ENOX2: variants seen among roughly 807,000 people sequenced by gnomAD.
The protein encoded by ENOX2 is ecto-NOX disulfide-thiol exchanger 2, also known as APK1 antigen.
Under a neutral mutation model 45.0 loss-of-function variants are expected in ENOX2, and 36 were observed. The observed-to-expected ratio is 0.80, with a 90% CI of 0.61 to 1.06. The LOEUF (loss-of-function observed/expected upper bound fraction) is 1.06. Ranked by LOEUF, ENOX2 falls within the 50% of genes least tolerant of loss-of-function variation. The pLI, the probability that ENOX2 is intolerant of heterozygous loss-of-function variation, is 0.00. For synonymous variants in ENOX2, 174 were observed against 152.3 expected, an observed-to-expected ratio of 1.14 and a Z score of -1.05; for missense variants, 423 against 462.5, an observed-to-expected ratio of 0.91 and a Z score of 0.78.
chrX:130,633,144 G>A (rs1481223701), intron 12 of ENOX2, among the ~76,000 whole-genome samples: 1 of 111,876 alleles, frequency 8.9e-6, no homozygotes, highest in Non-Finnish European at 1.9e-5. Context: ...GATTTAAAGA[G>A]CTTAGTTCTT....
chrX:130,662,527 A>C (rs1221059442), intron 9 of ENOX2, among the ~76,000 whole-genome samples: 1 of 111,925 alleles, frequency 8.9e-6, no homozygotes, highest in East Asian at 2.8e-4. Flanking sequence ...GTCAAAAATA[A>C]GGCAGCCTAG....
intron 2 of ENOX2, among the ~76,000 whole-genome samples, chrX:130,812,952 G>A (rs2077416807): frequency 8.9e-6 from 1 of 111,923 alleles, no homozygotes; most frequent in Admixed American, 9.4e-5. Context: ...TCCCTAATCT[G>A]AAATTCTGAA....
intron 9 of ENOX2, among the ~76,000 whole-genome samples, chrX:130,659,389 C>G (rs1485356630): frequency 8.1e-5 from 9 of 111,646 alleles, no homozygotes; most frequent in African/African-American, 2.9e-4. Context: ...AACATAGACT[C>G]TCCCATGTGC....
intron 9 of ENOX2, among the ~76,000 whole-genome samples, chrX:130,663,233 G>A (rs1311044555): frequency 8.9e-6 from 1 of 112,246 alleles, no homozygotes; most frequent in African/African-American, 3.2e-5. Context: ...CACATAGTTT[G>A]CAAAAGTGTT....
rs183971104 is a variant in ENOX2, at chrX:130,649,684, T to C, written c.1129+6897A>G. Among the ~76,000 whole-genome samples the C allele has an allele frequency of 3.6e-5, 4 of 112,196 alleles. No individual in the cohort carries two copies. In the East Asian group the frequency reaches 1.1e-3, roughly 31 times the overall value. On this transcript the variant is annotated intron_variant, in intron 10 of 14. Transcript: ENST00000394363. ...CATATTCATTTTATGATTGGTTTTA[T>C]TATTAATTTTAATTCTTGTTGTTAT...
intron 3 of ENOX2, among the ~76,000 whole-genome samples, chrX:130,783,118 C>T (rs1230163385): frequency 2.7e-5 from 3 of 112,014 alleles, no homozygotes; most frequent in Non-Finnish European, 5.6e-5. Context: ...CATGTACATA[C>T]AAAGACAAAT....
At chrX:130,818,708 G>A (rs1351362721) in intron 2 of ENOX2, among the ~76,000 whole-genome samples, 2 of 111,889 alleles carry the variant, frequency 1.8e-5, no homozygotes, top group South Asian at 3.7e-4. Flanking sequence ...GCAGAAAACC[G>A]AAACTGGACT....
At chrX:130,694,333 C>T (rs920897003) in intron 4 of ENOX2, among the ~76,000 whole-genome samples, 5 of 111,317 alleles carry the variant, frequency 4.5e-5, no homozygotes, top group African/African-American at 6.5e-5. Context: ...TTTGAAAAGG[C>T]GCTTTGGGAT....
At chrX:130,875,547 C>T (rs374776629) in intron 2 of ENOX2, among the ~76,000 whole-genome samples, 5 of 111,636 alleles carry the variant, frequency 4.5e-5, no homozygotes, top group African/African-American at 1.6e-4. Flanking sequence ...GTCAAGACCA[C>T]GCAACAGAGA....
chrX:130,719,763 A>C (rs1264445769), intron 3 of ENOX2, among the ~76,000 whole-genome samples: 4 of 112,534 alleles, frequency 3.6e-5, no homozygotes, highest in Admixed American at 2.8e-4. Flanking sequence ...CCATTAATAA[A>C]GCTGAGTGAT....
At chrX:130,667,831 T>C in intron 7 of ENOX2, 89 bp from the exon 8 acceptor site, 1 of 674,837 alleles carries the variant, frequency 1.5e-6, no homozygotes, top group South Asian at 2.8e-5. Flanking sequence ...ATCATGATTT[T>C]TGGCAGTGAT....
At chrX:130,638,188 C>T (rs1189145727) in intron 10 of ENOX2, among the ~76,000 whole-genome samples, 1 of 108,802 alleles carries the variant, frequency 9.2e-6, no homozygotes, top group Non-Finnish European at 1.9e-5. Context: ...CCCGCCTCAG[C>T]CTCCTGAGTA....
chrX:130,826,416 A>C (rs1358130334), intron 2 of ENOX2, among the ~76,000 whole-genome samples: 1 of 111,806 alleles, frequency 8.9e-6, no homozygotes, highest in African/African-American at 3.2e-5. Flanking sequence ...ATCACATTTA[A>C]AACCATTCAT....
chrX:130,848,630 T>C (rs367659531), intron 2 of ENOX2, among the ~76,000 whole-genome samples: 1 of 111,953 alleles, frequency 8.9e-6, no homozygotes, highest in Non-Finnish European at 1.9e-5. Flanking sequence ...CAGTGGCTGA[T>C]GGCAGCAGAC....
At chrX:130,666,516 T>C (rs2148116638) in intron 8 of ENOX2, among the ~76,000 whole-genome samples, 1 of 111,910 alleles carries the variant, frequency 8.9e-6, no homozygotes, top group African/African-American at 3.2e-5. Flanking sequence ...CCCTGTCTGG[T>C]TGGGTGTTCA....
chrX:130,762,938 T>C (rs1383268862), intron 3 of ENOX2, among the ~76,000 whole-genome samples: 1 of 111,755 alleles, frequency 8.9e-6, no homozygotes, highest in Non-Finnish European at 1.9e-5. Context: ...TACTTAACTA[T>C]AGTTATGGAT....
intron 3 of ENOX2, among the ~76,000 whole-genome samples, chrX:130,747,270 G>T (rs1015747996): frequency 5.7e-5 from 6 of 104,790 alleles, no homozygotes; most frequent in Non-Finnish European, 7.9e-5. Context: ...CTAAGTTTTT[G>T]TTTTTTTTTT....
chrX:130,688,880 A>C lies in ENOX2; in HGVS notation c.236T>G (p.Leu79Arg). The C allele has an allele frequency of 8.3e-7, 1 of 1,198,806 alleles. No individual in the cohort carries two copies. Among genetic ancestry groups the C allele is most frequent in the Non-Finnish European group, 1.1e-6 (1 of 886,702 alleles). ...AATATTACTTGGATTTGGAGGGAAG[A>C]GCGTGCAGCTTTTACAGTGTATGAT... ...KEIIHCKSCT[L>R]FPPNPNLPPP... The change falls in exon 5 of 15, where the codon CTC becomes CGC. Residue 79 changes from leucine (L) to arginine (R), a missense_variant. Physicochemically the swap from Leu to Arg is moderately radical, Grantham distance 102. This residue lies in a region of ENOX2 where 261 missense variants were observed against 306.8 expected (regional missense o/e 0.85). Coordinates refer to ENST00000394363, the MANE Select transcript of ENOX2 (RefSeq NM_006375.4).
chrX:130,870,287 A>G lies in ENOX2; in HGVS notation c.-183+31397T>C, dbSNP rs146104776. ...ACAAGCCACTCTGAAATGAAGAAAC[A>G]ACTGTAAGTCACTGATTACTATGAT... On this transcript the variant is annotated intron_variant, in intron 2 of 14. Coordinates refer to ENST00000394363, the MANE Select transcript of ENOX2 (RefSeq NM_006375.4). 9.0e-3 allele frequency among the ~76,000 whole-genome samples: 1,006 copies of G among 112,105 alleles called. 12 individuals carry two copies. Among genetic ancestry groups the G allele is most frequent in the African/African-American group, 0.031 (945 of 30,946 alleles).
Sources: allele counts gnomAD v4.1 joint callset (sites outside exome capture counted in the v4.1 genomes callset), GRCh38; gene constraint gnomAD v4.1.1; regional missense constraint gnomAD v4.1.1; transcripts MANE v1.5; gene names NCBI Gene and HGNC (gene_info 2026-07-23, HGNC 2026-07-21).